Variants in IL7 observed in about 807,000 individuals in gnomAD.
IL7 encodes the protein interleukin 7.
IL7 carries 3 observed loss-of-function variants against 21.6 expected under a neutral mutation model. The ratio of observed to expected loss-of-function variants is 0.14; its 90% CI spans 0.06 to 0.36. The LOEUF is 0.36. Ranked by LOEUF, IL7 falls within the 10% of genes least tolerant of loss-of-function variation. IL7 has a pLI of 1.00. For synonymous variants in IL7, 62 were observed against 68.1 expected (o/e 0.91, Z 0.44); for missense variants, 175 against 200.2 (o/e 0.87, Z 0.76).
chr8:78,722,398 TA>T (rs1811257224), intron 3 of IL7, among the ~76,000 whole-genome samples: 4 of 147,304 alleles, frequency 2.7e-5, no homozygotes, highest in South Asian at 2.1e-4. Context: ...TTTTTAATTT[TA>T]AAATTTTTAT....
rs144305816 is a variant in IL7, at chr8:78,754,389, G to A, written c.148-14307C>T. ...CAAACCACTGCTCAAGGAAATAAGA[G>A]AGGACACAAGCAAATGGAAAAACAT... is the stretch of plus-strand genomic sequence containing the variant. On this transcript the variant is annotated intron_variant, in intron 2 of 5. Coordinates refer to ENST00000263851, the MANE Select transcript of IL7 (RefSeq NM_000880.4). Among the ~76,000 whole-genome samples, 1,336 of 152,270 alleles carry A rather than the reference G, an allele frequency of 8.8e-3. 67 individuals are homozygous for A. Among genetic ancestry groups the A allele is most frequent in the Admixed American group, 0.076 (1,169 of 15,282 alleles).
chr8:78,709,428 A>G (rs1360512866), intron 3 of IL7, among the ~76,000 whole-genome samples: 1 of 152,108 alleles, frequency 6.6e-6, no homozygotes, highest in African/African-American at 2.4e-5. Flanking sequence ...CTTATCTTTT[A>G]TTGTTGATCT....
rs562797166 is a variant in IL7 at position 78,678,907 on chromosome 8, G to A, written n.274-2803C>T. ...TCTAAACTTCAAAGAAGAGACCAAG[G>A]TGCTGTTTCAAACTCCATCAATTAC... On this transcript the variant is annotated intron_variant and non_coding_transcript_variant, in intron 4 of 4. Transcript: ENST00000523959. 10 of 269,068 alleles carry A rather than the reference G, an allele frequency of 3.7e-5. No homozygotes were observed. In the South Asian group the frequency reaches 6.2e-4, roughly 17 times the overall value. The allele number at this position is 269,068 out of a possible 1,614,324, so 16.7% of individuals were successfully genotyped here. A position where few individuals can be genotyped will look rare whatever the true frequency, so the allele number is the denominator to read the frequency against.
chr8:78,724,364 A>G (rs1027708768), intron 3 of IL7, among the ~76,000 whole-genome samples: 1 of 152,038 alleles, frequency 6.6e-6, no homozygotes, highest in Admixed American at 6.6e-5. Context: ...GTATATCTAC[A>G]TATGTATGAA....
intron 2 of IL7, among the ~76,000 whole-genome samples, chr8:78,770,806 A>C (rs1317267192): frequency 6.6e-6 from 1 of 152,124 alleles, no homozygotes; most frequent in East Asian, 1.9e-4. Flanking sequence ...AGTTTTGTCT[A>C]TCCAGTGATT....
Position 78,762,463 on chromosome 8 carries a change from C to T in IL7, c.148-22381G>A, listed in dbSNP as rs554061053. 99 of 1,546,504 alleles carry T rather than the reference C, an allele frequency of 6.4e-5. No individual in the cohort carries two copies. The South Asian group carries it at 1.0e-3, about 16-fold the overall frequency. Reference sequence around the variant, plus strand: ...CCGCCCGCCGGCCGGTCCAGCCCTCCCCTCCCCGCCTCCTCAGGGCAGTCC... The same window carrying T: ...CCGCCCGCCGGCCGGTCCAGCCCTCTCCTCCCCGCCTCCTCAGGGCAGTCC... On this transcript the variant is annotated intron_variant, in intron 2 of 5. Coordinates refer to ENST00000263851, the MANE Select transcript of IL7 (RefSeq NM_000880.4).
chr8:78,687,549 T>TA (rs1810035129), intron 3 of IL7, among the ~76,000 whole-genome samples: 1 of 143,712 alleles, frequency 7.0e-6, no homozygotes, highest in South Asian at 2.1e-4. Context: ...TATAATAAAT[T>TA]TTATATTTAC....
chr8:78,730,147 C>G (rs1586046973), downstream of IL7, among the ~76,000 whole-genome samples: 1 of 152,054 alleles, frequency 6.6e-6, no homozygotes, highest in Non-Finnish European at 1.5e-5. Flanking sequence ...AGAACAGTAT[C>G]TTAAGTAACA....
rs559202435 is a variant in IL7, at chr8:78,711,488, A to C, written n.214+9860T>G. 1.1e-4 allele frequency among the ~76,000 whole-genome samples: 16 copies of C among 152,198 alleles called. No individual in the cohort carries two copies. In the South Asian group the frequency reaches 3.3e-3, roughly 32 times the overall value. The stretch of plus-strand genomic sequence containing the variant: ...TACTTTGGATACATTTCAGAAATAA[A>C]GTCACTTTTTTGTTAGAAGTCAGTG... On this transcript the variant is annotated intron_variant and non_coding_transcript_variant, in intron 3 of 4. Transcript: ENST00000523959.
rs899883729 is a variant in IL7 at position 78,805,105 on chromosome 8, G to C, written c.-183C>G. 1.2e-5 allele frequency: 7 copies of C among 598,274 alleles called. No individual in the cohort carries two copies. Among genetic ancestry groups the C allele is most frequent in the Admixed American group, 3.2e-5 (1 of 31,068 alleles). 37.1% of individuals were successfully genotyped at this position (598,274 alleles called of 1,614,324 possible). On this transcript the variant is annotated 5_prime_UTR_variant, in exon 1 of 6. Transcript: ENST00000263851. ...CGACTGCAGTTTCATCCATCCCAAG[G>C]GGGGCGGCACACACTACGGCGTGGC... is the stretch of plus-strand genomic sequence containing the variant.
intron 2 of IL7, 131 bp from the exon 3 acceptor site, chr8:78,740,213 G>A: frequency 2.2e-6 from 1 of 461,398 alleles, no homozygotes; most frequent in Non-Finnish European, 3.3e-6. Context: ...GTTTTGCCTG[G>A]CTCAGCTGAC....
At chr8:78,717,671 T>TAA, downstream of IL7, 5 of 475,244 alleles carry the variant, frequency 1.1e-5, no homozygotes, top group Non-Finnish European at 1.8e-5. Context: ...TGTGTACATA[T>TAA]ACTGTATATA....
At chr8:78,699,580 G>A (rs1287912628) in intron 3 of IL7, among the ~76,000 whole-genome samples, 6 of 152,050 alleles carry the variant, frequency 3.9e-5, no homozygotes. Flanking sequence ...ATTAAGCCTA[G>A]TACCCATCAG....
chr8:78,675,895 T>G (rs746696350), exon 5 of IL7: 8 of 1,558,878 alleles, frequency 5.1e-6, no homozygotes, highest in Non-Finnish European at 4.4e-6. Flanking sequence ...CTTTATGGTT[T>G]TACAGATCTG....
chr8:78,744,576 A>G (rs1453501203), intron 2 of IL7, among the ~76,000 whole-genome samples: 1 of 152,146 alleles, frequency 6.6e-6, no homozygotes. Context: ...CCTTTGAGGC[A>G]CCATGGAAGT....
intron 3 of IL7, among the ~76,000 whole-genome samples, chr8:78,692,372 C>T (rs1461033078): frequency 6.6e-6 from 1 of 152,090 alleles, no homozygotes; most frequent in Admixed American, 6.6e-5. Context: ...ATTTTTTAAT[C>T]CTTAACTACT....
intron 2 of IL7, chr8:78,762,439 C>T: frequency 3.8e-6 from 6 of 1,575,978 alleles, no homozygotes; most frequent in Non-Finnish European, 5.2e-6. Context: ...CATCGTCGCC[C>T]GCCCGCCGGC....
intron 2 of IL7, among the ~76,000 whole-genome samples, chr8:78,785,337 C>A (rs562294060): frequency 3.2e-4 from 48 of 152,236 alleles, no homozygotes; most frequent in African/African-American, 1.2e-3. Context: ...ACTATCATCT[C>A]TTCTTATCTT....
At chr8:78,762,537 G>C (rs954429701) in intron 2 of IL7, 30 of 618,202 alleles carry the variant, frequency 4.9e-5, no homozygotes, top group African/African-American at 8.7e-5. Flanking sequence ...CGGCCGGCTC[G>C]GCAGGGCCGA....
Sources: gnomAD v4.1 joint callset for allele counts (sites outside exome capture counted in the v4.1 genomes callset) on GRCh38, gnomAD v4.1.1 for gene constraint, MANE v1.5 for transcripts, NCBI Gene and HGNC (gene_info 2026-07-23, HGNC 2026-07-21) for gene names.